TTC23: variants seen among roughly 807,000 people sequenced by gnomAD.
TTC23 encodes tetratricopeptide repeat protein 23.
A neutral mutation model predicts 55.1 loss-of-function variants in TTC23; 58 were observed. The ratio of observed to expected loss-of-function variants is 1.05; its 90% CI spans 0.85 to 1.31. The LOEUF (loss-of-function observed/expected upper bound fraction) is 1.31. TTC23 is among the 50% of genes most tolerant of loss of function. The pLI is 0.00. For synonymous variants in TTC23, 203 were observed against 199.9 expected, an observed-to-expected ratio of 1.02 and a Z score of -0.13; for missense variants, 516 against 534.4, an observed-to-expected ratio of 0.97 and a Z score of 0.34.
rs1023183558 is a variant in TTC23 at position 99,199,342 on chromosome 15, A to C, written c.759+577T>G. ...CAGCAGTTTGGGAGGCTGAGGCAGG[A>C]GGATCACGTGAACCCAGGAGTTTGA... On this transcript the variant is annotated intron_variant, in intron 9 of 13. Transcript: ENST00000394132. Among the ~76,000 whole-genome samples the C allele has an allele frequency of 2.1e-5, 3 of 144,640 alleles. No individual in the cohort carries two copies. The South Asian group carries it at 7.2e-4, about 35-fold the overall frequency. The allele number at this position is 144,640 out of a possible 152,430, so 94.9% of individuals were successfully genotyped here.
Position 99,139,332 on chromosome 15 carries a change from A to C in TTC23, c.1211T>G (p.Met404Arg), listed in dbSNP as rs2067945153. The C allele has an allele frequency of 1.2e-6, 2 of 1,613,508 alleles. No homozygotes were observed. Among genetic ancestry groups the C allele is most frequent in the South Asian group, 2.2e-5 (2 of 91,078 alleles). ...DKRTLATQQA[M>R]GMLSTAPKVA... The stretch of plus-strand genomic sequence containing the variant: ...GCCAACTCACGTGGACAGCATGCCC[A>C]TGGCCTGCTGGGTGGCCAGAGTCCT... Residue 404 changes from methionine to arginine, a missense_variant, in exon 13 of 14, where the codon ATG (methionine) becomes AGG (arginine). Physicochemically the swap from Met to Arg is moderately conservative, Grantham distance 91. Coordinates refer to ENST00000394132, the MANE Select transcript of TTC23 (RefSeq NM_001288615.3).
rs981710569 is a variant in TTC23, at chr15:99,156,129, G to A, written c.1143+19C>T. 3.1e-6 allele frequency: 5 copies of A among 1,614,092 alleles called. No homozygotes were observed. Among genetic ancestry groups the A allele is most frequent in the Non-Finnish European group, 2.5e-6 (3 of 1,180,042 alleles). On this transcript the variant is annotated intron_variant, in intron 12 of 13. Transcript: ENST00000394132. ...GGAGGGAGAGCCTAGTCTCGTGTTA[G>A]TACTGGTTCCAGCTTTACCTTCTTC...
intron 9 of TTC23, among the ~76,000 whole-genome samples, chr15:99,197,292 T>TG (rs1567455716): frequency 6.6e-6 from 1 of 151,724 alleles, no homozygotes; most frequent in East Asian, 2.0e-4. Context: ...TTAGTAGAGA[T>TG]GGGGTTTCAC....
In TTC23 at chr15:99,156,283, G is replaced by T. The variant is rs755404400; in HGVS notation, c.1008C>A (p.Ile336=). ...MTGQKERATS[I]LRESLEAKVE... is the part of the protein sequence containing the mutation. ...CTTTGGCTTCCAGGGACTCTCTCAG[G>T]ATCGAGGTTGCTCTCTGTGAAAGGA... The change falls in exon 12 of 14, where the codon ATC becomes ATA. Residue 336 remains isoleucine (I), a synonymous_variant. Transcript: ENST00000394132. 6.2e-7 allele frequency: 1 copy of T among 1,614,174 alleles called. No individual in the cohort carries two copies. The highest frequency in any genetic ancestry group is 1.7e-5 in the Admixed American group (1 of 60,026).
intron 1 of TTC23, chr15:99,248,123 T>C (rs1348934957): frequency 1.3e-5 from 2 of 152,108 alleles, no homozygotes; most frequent in African/African-American, 4.8e-5. Flanking sequence ...AAGAAGTGCA[T>C]CAAAATTTAT....
At position 99,217,564 on chromosome 15, in the gene TTC23, T is replaced by G. The variant is rs181332968; in HGVS notation, c.581+1024A>C. Among the ~76,000 whole-genome samples, 6 of 152,308 alleles carry G rather than the reference T, an allele frequency of 3.9e-5. No homozygotes were observed. The East Asian group carries it at 1.2e-3, about 29-fold the overall frequency. On this transcript the variant is annotated intron_variant, in intron 8 of 13. Coordinates refer to ENST00000394132, the MANE Select transcript of TTC23 (RefSeq NM_001288615.3). ...ATCATTAAAGTATTTATCTATGATG[T>G]GTGTGTAGGAGAATGAGAGAAAAGA...
In TTC23 at chr15:99,231,363, T is replaced by C. The variant is rs1486396027; in HGVS notation, c.-20-2631A>G. 5.3e-5 allele frequency among the ~76,000 whole-genome samples: 8 copies of C among 152,342 alleles called. No individual in the cohort carries two copies. In the East Asian group the frequency reaches 5.8e-4, roughly 11 times the overall value. On this transcript the variant is annotated intron_variant, in intron 4 of 13. Transcript: ENST00000394132. ...AAAAGAAGGTATTCCATTATCATCA[T>C]AGGTGATGAAAGCTCCATGCATGTT...
At chr15:99,176,389 T>C (rs905200535) in intron 9 of TTC23, among the ~76,000 whole-genome samples, 5 of 151,948 alleles carry the variant, frequency 3.3e-5, no homozygotes, top group African/African-American at 4.8e-5. Flanking sequence ...AGGCTGGAGA[T>C]TGCTAGAGCT....
At chr15:99,181,596 A>T (rs1164803196) in intron 9 of TTC23, among the ~76,000 whole-genome samples, 3 of 152,138 alleles carry the variant, frequency 2.0e-5, no homozygotes, top group Non-Finnish European at 4.4e-5. Flanking sequence ...CACCCTGCCA[A>T]AACTGGTCAT....
chr15:99,166,279 T>G (rs1217595338), intron 10 of TTC23, among the ~76,000 whole-genome samples: 1 of 152,160 alleles, frequency 6.6e-6, no homozygotes, highest in Non-Finnish European at 1.5e-5. Context: ...CCTCCCAGGA[T>G]TCCTTCCCCT....
At chr15:99,219,123 G>A in intron 6 of TTC23, 75 bp from the exon 7 acceptor site, 1 of 1,526,462 alleles carries the variant, frequency 6.6e-7, no homozygotes, top group Non-Finnish European at 8.9e-7. Flanking sequence ...TTATGGTCTG[G>A]GAATCTAACA....
Position 99,228,676 on chromosome 15 carries a change from G to A in TTC23, c.37C>T (p.Leu13=), listed in dbSNP as rs1199350451. The change falls in exon 5 of 14, where the codon CTA becomes TTA. Residue 13 remains leucine (L), a synonymous_variant. Coordinates refer to ENST00000394132, the MANE Select transcript of TTC23 (RefSeq NM_001288615.3). The stretch of plus-strand genomic sequence containing the variant: ...CTAACAGCAGCAACAACTTCATCTA[G>A]GTGGTTGGATATGTGGGTTTCCTGT... ...ESQETHISNH[L]DEVVAAVSIT... 6.2e-6 allele frequency: 10 copies of A among 1,612,318 alleles called. No individual in the cohort carries two copies. The highest frequency in any genetic ancestry group is 8.5e-7 in the Non-Finnish European group (1 of 1,179,032).
chr15:99,148,047 C>T (rs1346901711), intron 12 of TTC23, among the ~76,000 whole-genome samples: 2 of 152,156 alleles, frequency 1.3e-5, no homozygotes, highest in East Asian at 1.9e-4. Context: ...GCCTATTCTC[C>T]AGTCTTGACT....
At chr15:99,191,342 T>G (rs866523415) in intron 9 of TTC23, among the ~76,000 whole-genome samples, 1 of 152,290 alleles carries the variant, frequency 6.6e-6, no homozygotes, top group Middle Eastern at 3.4e-3. Flanking sequence ...TAAACCAAAC[T>G]CAGATCTTTG....
intron 4 of TTC23, among the ~76,000 whole-genome samples, chr15:99,229,705 A>T (rs763813357): frequency 3.3e-5 from 5 of 152,238 alleles, no homozygotes; most frequent in Non-Finnish European, 5.9e-5. Context: ...TGGAGAAAGA[A>T]TCCTTCAATA....
chr15:99,224,503 T>A (rs185047608), intron 5 of TTC23, among the ~76,000 whole-genome samples: 20 of 152,376 alleles, frequency 1.3e-4, no homozygotes, highest in African/African-American at 2.4e-5. Flanking sequence ...TTTTATTATA[T>A]GACTATATCA....
chr15:99,198,342 C>T (rs1334844077), intron 9 of TTC23, among the ~76,000 whole-genome samples: 1 of 152,172 alleles, frequency 6.6e-6, no homozygotes, highest in Admixed American at 6.5e-5. Context: ...ACCTGGGAGT[C>T]ATCTATAACT....
chr15:99,228,047 G>A (rs2078607323), intron 5 of TTC23, among the ~76,000 whole-genome samples: 1 of 152,132 alleles, frequency 6.6e-6, no homozygotes, highest in Admixed American at 6.5e-5. Context: ...TTCCTTCTGT[G>A]CCCCTGGCAC....
chr15:99,241,644 C>T (rs1218376060), intron 2 of TTC23, 85 bp from the exon 3 acceptor site: 1 of 152,438 alleles, frequency 6.6e-6, no homozygotes. Context: ...CTCAGTCTTC[C>T]AAGTGGTGAT....
Sources: allele counts gnomAD v4.1 joint callset (sites outside exome capture counted in the v4.1 genomes callset), GRCh38; gene constraint gnomAD v4.1.1; transcripts MANE v1.5; gene names NCBI Gene and HGNC (gene_info 2026-07-23, HGNC 2026-07-21).